The following ASZ1 variants were observed in gnomAD, a reference collection of about 807,000 sequenced individuals.
ASZ1 encodes the protein ankyrin repeat, SAM and basic leucine zipper domain-containing protein 1.
A neutral mutation model predicts 61.8 loss-of-function variants in ASZ1; 67 were observed. That is an observed-to-expected ratio of 1.08 (90% CI 0.89 to 1.33). ASZ1 has a LOEUF of 1.33. ASZ1 is among the 40% of genes most tolerant of loss of function. ASZ1 has a pLI of 0.00. For synonymous variants in ASZ1, 193 were observed against 192.7 expected, an observed-to-expected ratio of 1.00 and a Z score of -0.01; for missense variants, 577 against 554.5, an observed-to-expected ratio of 1.04 and a Z score of -0.41.
chr7:117,374,732 T>C (rs1203714547), intron 10 of ASZ1, among the ~76,000 whole-genome samples: 1 of 152,010 alleles, frequency 6.6e-6, no homozygotes, highest in African/African-American at 2.4e-5. Flanking sequence ...TAGAGGAAAC[T>C]GAGGAAATAG....
At chr7:117,394,720 A>G (rs1796545606) in intron 4 of ASZ1, among the ~76,000 whole-genome samples, 1 of 151,780 alleles carries the variant, frequency 6.6e-6, no homozygotes, top group Non-Finnish European at 1.5e-5. Context: ...TATACTTTCC[A>G]TTTCTTTAGC....
chr7:117,373,723 A>T (rs893578413), intron 10 of ASZ1, among the ~76,000 whole-genome samples: 8 of 152,146 alleles, frequency 5.3e-5, no homozygotes, highest in Admixed American at 2.6e-4. Flanking sequence ...TTATTTTTTT[A>T]AAAAAATTCA....
intron 4 of ASZ1, among the ~76,000 whole-genome samples, chr7:117,414,635 C>T (rs553219181): frequency 3.3e-5 from 5 of 152,246 alleles, no homozygotes; most frequent in African/African-American, 1.2e-4. Context: ...CCTCTCCCAG[C>T]CTATCATCTC....
intron 10 of ASZ1, among the ~76,000 whole-genome samples, chr7:117,379,136 TATATATATATA>T (rs1796197480): frequency 1.1e-5 from 1 of 88,468 alleles, no homozygotes; most frequent in African/African-American, 4.4e-5. Flanking sequence ...GATAAAATTA[TATATATATATA>T]TATATATATA....
intron 4 of ASZ1, among the ~76,000 whole-genome samples, chr7:117,390,064 T>C (rs1288435423): frequency 2.6e-5 from 4 of 152,098 alleles, no homozygotes; most frequent in South Asian, 4.1e-4. Flanking sequence ...GCAAAGGACA[T>C]GGTTTCTTTT....
chr7:117,363,627 A>C lies in ASZ1; in HGVS notation c.1397T>G (p.Phe466Cys). 6.2e-7 allele frequency: 1 copy of C among 1,601,534 alleles called. No individual in the cohort carries two copies. The highest frequency in any genetic ancestry group is 8.5e-7 in the Non-Finnish European group (1 of 1,175,242). ...CCTCTGGAAAGTTAGCTTGCAAATG[A>C]AAAGAAGAAAACCGAATCCGCATAT... The part of the protein sequence containing the change: ...ITICGFGFLL[F>C]ICKLTFQRK Residue 466 changes from phenylalanine (F) to cysteine (C), a missense_variant, in exon 13 of 13, where the codon TTC becomes TGC. Phe to Cys is a radical substitution (Grantham distance 205, BLOSUM62 -2). Coordinates refer to ENST00000284629, the MANE Select transcript of ASZ1 (RefSeq NM_130768.3).
At position 117,363,705 on chromosome 7, in the gene ASZ1, C is replaced by A; in HGVS notation, c.1319G>T (p.Arg440Met). ...ACTATTCCATGTAGATACTTCTTCC[C>A]TTAATTGTATATGAGTTGGATCATT... ...RENDPTHIQL[R>M]EEVSTWNSRI... is the part of the protein sequence containing the mutation. The change falls in exon 13 of 13, where the codon AGG becomes ATG. Residue 440 changes from arginine (R) to methionine (M), a missense_variant. Arg to Met is a moderately conservative substitution (Grantham distance 91). Coordinates refer to ENST00000284629, the MANE Select transcript of ASZ1 (RefSeq NM_130768.3). 1 of 1,603,004 alleles carries A rather than the reference C, an allele frequency of 6.2e-7. No individual in the cohort carries two copies. Among genetic ancestry groups the A allele is most frequent in the South Asian group, 1.1e-5 (1 of 89,048 alleles).
At chr7:117,403,353 G>A (rs1796716313) in intron 4 of ASZ1, among the ~76,000 whole-genome samples, 1 of 152,112 alleles carries the variant, frequency 6.6e-6, no homozygotes, top group Non-Finnish European at 1.5e-5. Context: ...GTCCACCTGG[G>A]CTAACTCCTT....
intron 4 of ASZ1, among the ~76,000 whole-genome samples, chr7:117,415,915 G>C (rs1796981997): frequency 6.6e-6 from 1 of 152,190 alleles, no homozygotes; most frequent in Admixed American, 6.5e-5. Context: ...AGTGGGCCAG[G>C]CGCAGTGACT....
chr7:117,422,914 A>G (rs1020896156), intron 2 of ASZ1, among the ~76,000 whole-genome samples: 1 of 152,204 alleles, frequency 6.6e-6, no homozygotes, highest in Non-Finnish European at 1.5e-5. Context: ...ACATCATTAC[A>G]TATGTATTAT....
Position 117,426,856 on chromosome 7 carries a change from A to G in ASZ1, c.185T>C (p.Val62Ala). ...KAMTIGDVSL[V>A]QELLDSGISV... ...CTCACCAGAATCTAGGAGCTCCTGG[A>G]CCAATGAAACATCTCCGATGGTCAT... The change falls in exon 2 of 13, where the codon GTC (valine) becomes GCC (alanine). Residue 62 changes from valine to alanine, a missense_variant. Transcript: ENST00000284629. 6.2e-7 allele frequency: 1 copy of G among 1,613,158 alleles called. No individual in the cohort carries two copies. The highest frequency in any genetic ancestry group is 1.1e-5 in the South Asian group (1 of 90,718).
At chr7:117,380,136 T>G in intron 9 of ASZ1, 89 bp from the exon 10 acceptor site, 1 of 814,072 alleles carries the variant, frequency 1.2e-6, no homozygotes, top group East Asian at 2.6e-5. Context: ...TCTTGATGAA[T>G]TCACATCTTG....
chr7:117,425,225 T>G (rs1390536298), intron 2 of ASZ1, among the ~76,000 whole-genome samples: 1 of 151,050 alleles, frequency 6.6e-6, no homozygotes, highest in Non-Finnish European at 1.5e-5. Flanking sequence ...TGCATCAAAC[T>G]GAAGTAAATG....
At chr7:117,411,446 A>G (rs183241492) in intron 4 of ASZ1, among the ~76,000 whole-genome samples, 219 of 151,970 alleles carry the variant, frequency 1.4e-3, no homozygotes, top group African/African-American at 5.0e-3. Context: ...GCTCACTTTT[A>G]TCCATGATAT....
intron 4 of ASZ1, among the ~76,000 whole-genome samples, chr7:117,410,112 C>T (rs1305313221): frequency 6.6e-6 from 1 of 151,676 alleles, no homozygotes; most frequent in Non-Finnish European, 1.5e-5. Flanking sequence ...CTGGTATCTG[C>T]TTAGTAGTAC....
intron 2 of ASZ1, 66 bp from the exon 3 acceptor site, chr7:117,422,425 A>T (rs1438763200): frequency 6.5e-7 from 1 of 1,549,200 alleles, no homozygotes; most frequent in East Asian, 2.3e-5. Context: ...GTCACCTTAT[A>T]TGCTTAAAGT....
At chr7:117,375,548 C>T (rs1232879595) in intron 10 of ASZ1, among the ~76,000 whole-genome samples, 1 of 152,012 alleles carries the variant, frequency 6.6e-6, no homozygotes, top group Non-Finnish European at 1.5e-5. Context: ...CCTGCCAAAG[C>T]CTTTAAAATC....
intron 2 of ASZ1, among the ~76,000 whole-genome samples, chr7:117,425,259 CTTTTTT>C (rs71148368): frequency 2.5e-4 from 23 of 93,866 alleles, no homozygotes; most frequent in East Asian, 7.9e-4. Flanking sequence ...TGAGTAATTT[CTTTTTT>C]TTTTTTTTTT....
At chr7:117,399,100 T>A (rs1487226558) in intron 4 of ASZ1, among the ~76,000 whole-genome samples, 1 of 151,942 alleles carries the variant, frequency 6.6e-6, no homozygotes, top group Non-Finnish European at 1.5e-5. Flanking sequence ...CATGGTGGTA[T>A]GCACCTGTAG....
Sources: gnomAD v4.1 joint callset for allele counts (sites outside exome capture counted in the v4.1 genomes callset) on GRCh38, gnomAD v4.1.1 for gene constraint, MANE v1.5 for transcripts, NCBI Gene and HGNC (gene_info 2026-07-23, HGNC 2026-07-21) for gene names.